Variants in ZNF280C observed in about 807,000 individuals in gnomAD.
The protein encoded by ZNF280C is suppressor of hairy wing homolog 3.
A neutral mutation model predicts 53.6 loss-of-function variants in ZNF280C; 14 were observed. The ratio of observed to expected loss-of-function variants is 0.26; its 90% CI spans 0.17 to 0.41. The LOEUF (loss-of-function observed/expected upper bound fraction) is 0.41. Among genes scored for constraint, ZNF280C ranks in the 10% least tolerant of loss-of-function variants. The probability of loss-of-function intolerance (pLI) is 1.00; values close to 1 mark genes in which losing one functional copy is unlikely to be tolerated. For missense variants in ZNF280C, 416 were observed against 547.1 expected (o/e 0.76, Z 2.39); for synonymous variants, 203 against 181.1 (o/e 1.12, Z -0.97).
chrX:130,240,578 C>A (rs2032379895), intron 5 of ZNF280C, among the ~76,000 whole-genome samples: 1 of 111,936 alleles, frequency 8.9e-6, no homozygotes, highest in Non-Finnish European at 1.9e-5. Context: ...TATCCGTTTG[C>A]AATTTCCAAA....
intron 9 of ZNF280C, 88 bp downstream of exon 9, chrX:130,230,422 C>T (rs1255111423): frequency 3.6e-6 from 2 of 552,992 alleles, no homozygotes; most frequent in East Asian, 7.6e-5. Context: ...AATTAATTAC[C>T]GAGGATGGCA....
intron 15 of ZNF280C, among the ~76,000 whole-genome samples, chrX:130,213,067 T>C (rs746419623): frequency 8.9e-6 from 1 of 111,992 alleles, no homozygotes; most frequent in Non-Finnish European, 1.9e-5. Context: ...CAAAGTGGTA[T>C]TTTTGGCCGG....
chrX:130,235,529 T>A (rs2032322676), intron 8 of ZNF280C, among the ~76,000 whole-genome samples: 1 of 111,737 alleles, frequency 8.9e-6, no homozygotes, highest in Non-Finnish European at 1.9e-5. Flanking sequence ...AATAAATAAA[T>A]AAAAATAAAA....
intron 3 of ZNF280C, 68 bp downstream of exon 3, chrX:130,246,791 A>C: frequency 6.4e-6 from 7 of 1,093,449 alleles, no homozygotes; most frequent in Non-Finnish European, 8.7e-6. Flanking sequence ...AAGGACAGAT[A>C]TCTCATATAT....
At chrX:130,206,334 A>G (rs2124695024) in intron 16 of ZNF280C, among the ~76,000 whole-genome samples, 1 of 107,255 alleles carries the variant, frequency 9.3e-6, no homozygotes, top group South Asian at 4.1e-4. Flanking sequence ...ATAGGAAACC[A>G]GTGCATACCT....
rs1213397394 is a variant in ZNF280C, at chrX:130,236,198, T to G, written c.771+16A>C. ...ATAAAACATTTTTAACAATTGAACT[T>G]TGAAAAAAGTTTTACCTTCATGTGG... On this transcript the variant is annotated intron_variant, in intron 8 of 18. Transcript: ENST00000370978. 1.8e-6 allele frequency: 2 copies of G among 1,124,457 alleles called. No homozygotes were observed. The highest frequency in any genetic ancestry group is 2.4e-6 in the Non-Finnish European group (2 of 830,717). 92.7% of individuals were successfully genotyped at this position (1,124,457 alleles called of 1,213,427 possible).
chrX:130,221,836 G>C (rs1240967782), intron 12 of ZNF280C, among the ~76,000 whole-genome samples: 1 of 111,455 alleles, frequency 9.0e-6, no homozygotes, highest in Non-Finnish European at 1.9e-5. Flanking sequence ...ATAGCTGTCA[G>C]AGTGATCTTA....
At chrX:130,252,008 G>A (rs1236546691) in intron 2 of ZNF280C, among the ~76,000 whole-genome samples, 2 of 111,656 alleles carry the variant, frequency 1.8e-5, no homozygotes, top group Non-Finnish European at 3.8e-5. Flanking sequence ...CAACTATTTG[G>A]GAGGCTGGGG....
At chrX:130,218,759 T>C (rs781007590) in intron 13 of ZNF280C, among the ~76,000 whole-genome samples, 1 of 112,099 alleles carries the variant, frequency 8.9e-6, no homozygotes, top group Non-Finnish European at 1.9e-5. Context: ...ATCTCTAATA[T>C]GGGGATAATA....
chrX:130,204,698 C>A lies in ZNF280C; in HGVS notation c.*279G>T. On this transcript the variant is annotated 3_prime_UTR_variant, in exon 19 of 19. Transcript: ENST00000370978. The stretch of plus-strand genomic sequence containing the variant: ...GTCATATTATCTGGAATGTAATATT[C>A]TGAAGGCAAGTCAAGTATAGCAGAG... 1 of 257,921 alleles carries A rather than the reference C, an allele frequency of 3.9e-6. No individual in the cohort carries two copies. The allele number at this position is 257,921 out of a possible 1,213,427, so 21.3% of individuals were successfully genotyped here. A position where few individuals can be genotyped will look rare whatever the true frequency, so the allele number is the denominator to read the frequency against.
intron 2 of ZNF280C, among the ~76,000 whole-genome samples, chrX:130,251,303 A>AAAAAAAAAAAAAAAAAAAC: frequency 9.7e-6 from 1 of 103,053 alleles, no homozygotes; most frequent in African/African-American, 3.5e-5. Context: ...AAAAAAAAAA[A>AAAAAAAAAAAAAAAAAAAC]AAAAGACCAG....
At chrX:130,239,949 A>G (rs781361390) in intron 5 of ZNF280C, among the ~76,000 whole-genome samples, 10 of 111,567 alleles carry the variant, frequency 9.0e-5, no homozygotes, top group African/African-American at 3.2e-4. Flanking sequence ...TATTACAGGC[A>G]AAGTAGAGGT....
intron 16 of ZNF280C, among the ~76,000 whole-genome samples, chrX:130,207,693 T>C (rs1603238846): frequency 8.9e-6 from 1 of 112,019 alleles, no homozygotes; most frequent in African/African-American, 3.2e-5. Context: ...CTATGCTATA[T>C]GAACTTTGTG....
chrX:130,253,318 A>G (rs1483549090), intron 2 of ZNF280C, among the ~76,000 whole-genome samples: 2 of 112,818 alleles, frequency 1.8e-5, no homozygotes, highest in Non-Finnish European at 3.7e-5. Flanking sequence ...ATGAATCAGT[A>G]TTGTTAAAAT....
intron 1 of ZNF280C, among the ~76,000 whole-genome samples, chrX:130,267,023 C>A (rs1242716169): frequency 9.1e-6 from 1 of 109,634 alleles, no homozygotes; most frequent in African/African-American, 3.3e-5. Context: ...ATCGGTTGAA[C>A]CCGGGAGGCA....
chrX:130,208,045 T>C (rs1364456546), intron 16 of ZNF280C, among the ~76,000 whole-genome samples: 3 of 112,169 alleles, frequency 2.7e-5, no homozygotes. Context: ...ACACAATAAA[T>C]AGCTAAAGAA....
intron 16 of ZNF280C, among the ~76,000 whole-genome samples, chrX:130,207,364 CTTTTT>C (rs1276329471): frequency 9.0e-6 from 1 of 111,406 alleles, no homozygotes; most frequent in East Asian, 2.8e-4. Flanking sequence ...CCAGACTGAT[CTTTTT>C]TTATTTTTGG....
chrX:130,242,416 T>C (rs915443002), intron 5 of ZNF280C, among the ~76,000 whole-genome samples: 2 of 112,408 alleles, frequency 1.8e-5, no homozygotes, highest in African/African-American at 6.5e-5. Flanking sequence ...GAAAGTATGA[T>C]TTCAGAATAA....
chrX:130,215,116 C>CAAT, intron 15 of ZNF280C, 77 bp downstream of exon 15: 3 of 1,112,539 alleles, frequency 2.7e-6, no homozygotes, highest in Non-Finnish European at 2.4e-6. Context: ...AACTTGCTTT[C>CAAT]AATAGGATAA....
Sources: allele counts gnomAD v4.1 joint callset (sites outside exome capture counted in the v4.1 genomes callset), GRCh38; gene constraint gnomAD v4.1.1; transcripts MANE v1.5; gene names NCBI Gene and HGNC (gene_info 2026-07-23, HGNC 2026-07-21).